CACNA1S: variants seen among roughly 807,000 people sequenced by gnomAD.
CACNA1S encodes calcium voltage-gated channel subunit alpha1 S.
Under a neutral mutation model 207.4 loss-of-function variants are expected in CACNA1S, and 126 were observed. The ratio of observed to expected loss-of-function variants is 0.61; its 90% CI spans 0.53 to 0.70. The LOEUF (loss-of-function observed/expected upper bound fraction) is 0.70. Ranked by LOEUF, CACNA1S falls within the 30% of genes least tolerant of loss-of-function variation. The probability of loss-of-function intolerance (pLI) is 0.00; values close to 1 mark genes in which losing one functional copy is unlikely to be tolerated. For synonymous variants in CACNA1S, 960 were observed against 932.7 expected, an observed-to-expected ratio of 1.03 and a Z score of -0.53; for missense variants, 2,349 against 2,422.8, an observed-to-expected ratio of 0.97 and a Z score of 0.64.
At position 201,112,176 on chromosome 1, in the gene CACNA1S, C is replaced by A; in HGVS notation, c.152+12G>T. On this transcript the variant is annotated intron_variant, in intron 1 of 43. Coordinates refer to ENST00000362061, the MANE Select transcript of CACNA1S (RefSeq NM_000069.3). ...GCACACCCCCCCCCACGGCCCGGGC[C>A]CTGAAGGATACTTCCATTCTACAAT... The A allele has an allele frequency of 6.2e-7, 1 of 1,611,316 alleles. No homozygotes were observed. The highest frequency in any genetic ancestry group is 1.3e-5 in the African/African-American group (1 of 74,858).
In CACNA1S at chr1:201,041,494, A is replaced by G; in HGVS notation, c.5134+10T>C. ...GACTCAAGCTTCTTAGATGCACAGA[A>G]GGGACTGACCCAGGACCCTGCAGGG... On this transcript the variant is annotated intron_variant, in intron 41 of 43. Transcript: ENST00000362061. 1 of 1,608,374 alleles carries G rather than the reference A, an allele frequency of 6.2e-7. No individual in the cohort carries two copies. The highest frequency in any genetic ancestry group is 8.5e-7 in the Non-Finnish European group (1 of 1,174,854).
In CACNA1S at chr1:201,040,255, T is replaced by A. The variant is rs200419059; in HGVS notation, c.5346A>T (p.Pro1782=). Residue 1782 remains proline, a synonymous_variant, in exon 43 of 44, where the codon CCA becomes CCT. Transcript: ENST00000362061. ...TRENTSRCSA[P]ATALLIQKAL... is the part of the protein sequence containing the mutation. Reference sequence around the variant, plus strand: ...CCTTTTGGATCAGCAGGGCTGTAGCTGGTGCTGAGCACCTGGAAGTATTCT... The same window carrying A: ...CCTTTTGGATCAGCAGGGCTGTAGCAGGTGCTGAGCACCTGGAAGTATTCT... 1 of 1,613,810 alleles carries A rather than the reference T, an allele frequency of 6.2e-7. No individual in the cohort carries two copies. The highest frequency in any genetic ancestry group is 2.2e-5 in the East Asian group (1 of 44,888).
intron 1 of CACNA1S, 150 bp downstream of exon 1, chr1:201,112,038 C>T: frequency 1.5e-6 from 1 of 662,018 alleles, no homozygotes; most frequent in Non-Finnish European, 2.5e-6. Context: ...GGCTCCTTCC[C>T]CCAGCTCCTC....
In CACNA1S at chr1:201,048,638, G is replaced by T. The variant is rs1175915781; in HGVS notation, c.4385C>A (p.Thr1462Asn). Reference sequence around the variant, plus strand: ...CAGGGCAAAGAGTGTGGCATTGAAGGTGACTGTGCCGTCGCTGTTCAGGGG... The same window carrying T: ...CAGGGCAAAGAGTGTGGCATTGAAGTTGACTGTGCCGTCGCTGTTCAGGGG... ...NMPLNSDGTV[T>N]FNATLFALVR... Residue 1462 changes from threonine (T) to asparagine (N), a missense_variant, in exon 36 of 44, where the codon ACC (threonine) becomes AAC (asparagine). Thr to Asn is a moderately conservative substitution (Grantham distance 65). Transcript: ENST00000362061. 6 of 1,613,822 alleles carry T rather than the reference G, an allele frequency of 3.7e-6. No homozygotes were observed. The highest frequency in any genetic ancestry group is 5.1e-6 in the Non-Finnish European group (6 of 1,180,048).
intron 3 of CACNA1S, among the ~76,000 whole-genome samples, chr1:201,093,485 G>T (rs1293805785): frequency 6.6e-6 from 1 of 152,176 alleles, no homozygotes; most frequent in Non-Finnish European, 1.5e-5. Flanking sequence ...ATAAATGTCC[G>T]TTTTTGTGAA....
At chr1:201,106,566 G>A (rs983010043) in intron 2 of CACNA1S, among the ~76,000 whole-genome samples, 9 of 152,234 alleles carry the variant, frequency 5.9e-5, no homozygotes, top group Admixed American at 2.6e-4. Flanking sequence ...GAGTGCTGAT[G>A]AAGGTACTAA....
At chr1:201,083,052 T>A in intron 10 of CACNA1S, 110 bp downstream of exon 10, 1 of 1,140,276 alleles carries the variant, frequency 8.8e-7, no homozygotes. Context: ...AAAAATGATG[T>A]CAATATCTAA....
chr1:201,107,887 C>T (rs556700688), intron 2 of CACNA1S, among the ~76,000 whole-genome samples: 1 of 152,290 alleles, frequency 6.6e-6, no homozygotes, highest in South Asian at 2.1e-4. Flanking sequence ...CCATAGAGCT[C>T]TGACATGCCA....
At chr1:201,073,747 T>A (rs537194156) in intron 14 of CACNA1S, 105 bp from the exon 15 acceptor site, 1 of 917,380 alleles carries the variant, frequency 1.1e-6, no homozygotes, top group South Asian at 1.3e-5. Flanking sequence ...CTCCAGGGGA[T>A]CTGTAGGAGG....
intron 19 of CACNA1S, 49 bp downstream of exon 19, chr1:201,069,088 C>A (rs1661356719): frequency 6.6e-7 from 1 of 1,511,426 alleles, no homozygotes; most frequent in East Asian, 2.3e-5. Flanking sequence ...AAACTGGAGC[C>A]ACATCAGGGA....
chr1:201,091,975 G>A lies in CACNA1S; in HGVS notation c.538C>T (p.Pro180Ser), dbSNP rs761578923. ...LRPLRLVSGV[P>S]SLQVVLNSIF... ...CTGCAGGGACACTGCCACCCACTAG[G>A]CACCCCCGACACCAGCCGGAGGGGT... Residue 180 changes from proline (P) to serine (S), a missense_variant, in exon 4 of 44, where the codon CCT becomes TCT. By Grantham distance (74) the Pro-to-Ser change is moderately conservative (BLOSUM62 -1). Coordinates refer to ENST00000362061, the MANE Select transcript of CACNA1S (RefSeq NM_000069.3). 6.2e-7 allele frequency: 1 copy of A among 1,614,078 alleles called. No homozygotes were observed. Among genetic ancestry groups the A allele is most frequent in the Non-Finnish European group, 8.5e-7 (1 of 1,179,974 alleles).
intron 7 of CACNA1S, among the ~76,000 whole-genome samples, chr1:201,087,592 G>A (rs1464946359): frequency 6.6e-6 from 1 of 152,048 alleles, no homozygotes; most frequent in Non-Finnish European, 1.5e-5. Context: ...CTGCTCACCA[G>A]GAAGGAAGCG....
intron 28 of CACNA1S, among the ~76,000 whole-genome samples, chr1:201,057,095 AC>A (rs1283796916): frequency 6.6e-6 from 1 of 152,212 alleles, no homozygotes; most frequent in African/African-American, 2.4e-5. Flanking sequence ...AAGTCTGTTC[AC>A]ACTTAAACCC....
In CACNA1S at chr1:201,053,148, C is replaced by G; in HGVS notation, c.3861+61G>C. 6.3e-7 allele frequency: 1 copy of G among 1,582,082 alleles called. No homozygotes were observed. Among genetic ancestry groups the G allele is most frequent in the Non-Finnish European group, 8.7e-7 (1 of 1,150,970 alleles). On this transcript the variant is annotated intron_variant, in intron 31 of 43. Coordinates refer to ENST00000362061, the MANE Select transcript of CACNA1S (RefSeq NM_000069.3). This position sits in a 1 kb window ranked among gnomAD's most constrained non-coding sequence, Gnocchi z 5.1. ...TGCTGCTCAGGCTCCTCAGGGTCCA[C>G]TGATGCCCCCTCTAACTTGGCCAAG...
In CACNA1S at chr1:201,069,991, A is replaced by G. The variant is rs115741326; in HGVS notation, c.2360+281T>C. Among the ~76,000 whole-genome samples the G allele has an allele frequency of 4.3e-3, 662 of 152,352 alleles. 8 individuals carry two copies. Among genetic ancestry groups the G allele is most frequent in the African/African-American group, 0.015 (627 of 41,576 alleles). On this transcript the variant is annotated intron_variant, in intron 17 of 43. Coordinates refer to ENST00000362061, the MANE Select transcript of CACNA1S (RefSeq NM_000069.3). ...TAAAATTATGAAGCCGATAAAAACT[A>G]TAGCTTCCCTTGCTCTCTCCCCCTT...
intron 16 of CACNA1S, among the ~76,000 whole-genome samples, chr1:201,070,794 T>C (rs796552576): frequency 5.3e-5 from 8 of 152,310 alleles, no homozygotes; most frequent in African/African-American, 1.9e-4. Flanking sequence ...TCTAACTTGC[T>C]GTGCAGTGCT....
At chr1:201,059,720 G>A (rs1366679662) in intron 26 of CACNA1S, among the ~76,000 whole-genome samples, 1 of 152,160 alleles carries the variant, frequency 6.6e-6, no homozygotes, top group Non-Finnish European at 1.5e-5. Flanking sequence ...GGATTCCATA[G>A]TCCATGTTAT....
rs760531724 is a variant in CACNA1S at position 201,048,674 on chromosome 1, C to T, written c.4349G>A (p.Gly1450Asp). 1.9e-6 allele frequency: 3 copies of T among 1,613,180 alleles called. No individual in the cohort carries two copies. ...PHRVACKRLV[G>D]MNMPLNSDGT... ...GTCGCTGTTCAGGGGCATGTTCATGCCCACCAGCCGCTGTACAGGGAGACG... is the reference window on the plus strand; with the variant it reads ...GTCGCTGTTCAGGGGCATGTTCATGTCCACCAGCCGCTGTACAGGGAGACG... Residue 1450 changes from glycine to aspartate, a missense_variant, in exon 36 of 44, where the codon GGC (glycine) becomes GAC (aspartate). Gly to Asp is a moderately conservative substitution (Grantham distance 94, BLOSUM62 -1). Transcript: ENST00000362061.
At chr1:201,040,501 TC>T in intron 42 of CACNA1S, 120 bp downstream of exon 42, 1 of 1,412,094 alleles carries the variant, frequency 7.1e-7, no homozygotes, top group South Asian at 1.2e-5. Context: ...AGGGATCCCG[TC>T]CCTTCTGTAC....
Sources: gnomAD v4.1 joint callset for allele counts (sites outside exome capture counted in the v4.1 genomes callset) on GRCh38, gnomAD v4.1.1 for gene constraint, Gnocchi (gnomAD v3.1) non-coding constraint, MANE v1.5 for transcripts, NCBI Gene and HGNC (gene_info 2026-07-23, HGNC 2026-07-21) for gene names.